The following CDC42BPA variants were observed in gnomAD, a reference collection of about 807,000 sequenced individuals.
The protein encoded by CDC42BPA is serine/threonine-protein kinase MRCK alpha.
A neutral mutation model predicts 223.5 loss-of-function variants in CDC42BPA; 80 were observed. That is an observed-to-expected ratio of 0.36 (90% confidence interval 0.30 to 0.43). The LOEUF is 0.43. Ranked by LOEUF, CDC42BPA falls within the 20% of genes least tolerant of loss-of-function variation. The probability of loss-of-function intolerance (pLI) is 1.00; values close to 1 mark genes in which losing one functional copy is unlikely to be tolerated. For synonymous variants in CDC42BPA, 694 were observed against 718.6 expected, an observed-to-expected ratio of 0.97 and a Z score of 0.55; for missense variants, 1,743 against 2,099.9, an observed-to-expected ratio of 0.83 and a Z score of 3.32.
intron 1 of CDC42BPA, among the ~76,000 whole-genome samples, chr1:227,296,461 T>G (rs541088126): frequency 6.6e-6 from 1 of 152,020 alleles, no homozygotes; most frequent in East Asian, 1.9e-4. Context: ...ATCCCAGCAC[T>G]TTGGGAGGCC....
At chr1:227,187,974 A>G (rs914124847) in intron 5 of CDC42BPA, among the ~76,000 whole-genome samples, 3 of 152,014 alleles carry the variant, frequency 2.0e-5, no homozygotes, top group Non-Finnish European at 4.4e-5. Flanking sequence ...AACTGAGGGG[A>G]TTTGTTGCCA....
At chr1:227,026,481 T>C (rs945336546) in intron 30 of CDC42BPA, among the ~76,000 whole-genome samples, 3 of 152,184 alleles carry the variant, frequency 2.0e-5, no homozygotes, top group South Asian at 4.1e-4. Flanking sequence ...AGTAGTTAAG[T>C]TATTGACAGT....
Position 226,994,010 on chromosome 1 carries a change from C to T in CDC42BPA, c.*258G>A, listed in dbSNP as rs568180396. 4.2e-5 allele frequency: 17 copies of T among 405,512 alleles called. No individual in the cohort carries two copies. The East Asian group carries it at 4.7e-4, about 11-fold the overall frequency. 25.1% of individuals were successfully genotyped at this position (405,512 alleles called of 1,614,324 possible). A position where few individuals can be genotyped will look rare whatever the true frequency, so the allele number is the denominator to read the frequency against. On this transcript the variant is annotated 3_prime_UTR_variant, in exon 37 of 37. Transcript: ENST00000366766. This position sits in a 1 kb window ranked among gnomAD's most constrained non-coding sequence, Gnocchi z 4.0. The stretch of plus-strand genomic sequence containing the variant: ...CTTTGGGAGTAGGGGTAAAATGTTA[C>T]TGAAAGCAACTCTAAGTGCATGGAA...
chr1:227,189,468 T>C (rs889891179), intron 5 of CDC42BPA, among the ~76,000 whole-genome samples: 5 of 152,204 alleles, frequency 3.3e-5, no homozygotes, highest in Non-Finnish European at 7.3e-5. Context: ...ATATTGTCTA[T>C]ACTGTCAAAA....
chr1:227,230,903 C>A (rs1318072110), intron 2 of CDC42BPA, among the ~76,000 whole-genome samples: 1 of 139,810 alleles, frequency 7.2e-6, no homozygotes, highest in African/African-American at 2.7e-5. Context: ...TCAGTGCAAT[C>A]TCCGACACCC....
At chr1:227,007,662 C>A (rs1033466759) in intron 34 of CDC42BPA, among the ~76,000 whole-genome samples, 1 of 152,206 alleles carries the variant, frequency 6.6e-6, no homozygotes, top group Non-Finnish European at 1.5e-5. Context: ...CTTTTCTCAT[C>A]ATTTCGGGCT....
intron 35 of CDC42BPA, among the ~76,000 whole-genome samples, chr1:226,995,779 A>C (rs1309414462): frequency 6.6e-6 from 1 of 152,206 alleles, no homozygotes; most frequent in Non-Finnish European, 1.5e-5. Context: ...AGCTCTTAGC[A>C]TTCCCTACTA....
At chr1:227,170,681 A>C (rs1178788944) in intron 5 of CDC42BPA, among the ~76,000 whole-genome samples, 2 of 152,150 alleles carry the variant, frequency 1.3e-5, no homozygotes, top group Non-Finnish European at 2.9e-5. Flanking sequence ...ATGACTGATA[A>C]GGAAATAAGA....
chr1:227,179,515 AGT>A (rs1667547551), intron 5 of CDC42BPA, among the ~76,000 whole-genome samples: 1 of 151,344 alleles, frequency 6.6e-6, no homozygotes. Context: ...GGGCACCTGT[AGT>A]CCCAGCTACT....
At chr1:227,090,606 T>C (rs187846913) in intron 16 of CDC42BPA, among the ~76,000 whole-genome samples, 1 of 151,130 alleles carries the variant, frequency 6.6e-6, no homozygotes, top group Non-Finnish European at 1.5e-5. Context: ...AGGTCAGGAG[T>C]TCAAGACCAG....
At position 227,114,017 on chromosome 1, in the gene CDC42BPA, C is replaced by CAAAAAAAA. The variant is rs374913161; in HGVS notation, c.1648-1112_1648-1105dup. 3.3e-5 allele frequency among the ~76,000 whole-genome samples: 4 copies of CAAAAAAAA among 120,294 alleles called. 1 individual carries two copies. Among genetic ancestry groups the CAAAAAAAA allele is most frequent in the Non-Finnish European group, 5.2e-5 (3 of 57,970 alleles). The allele number at this position is 120,294 out of a possible 152,430, so 78.9% of individuals were successfully genotyped here. ...TGGGCAATACAGTGAGACTCCAACT[C>CAAAAAAAA]AAAAAAAAAGAAAAGAAAAGAAGTG... On this transcript the variant is annotated intron_variant, in intron 12 of 36. Coordinates refer to ENST00000366766, the MANE Select transcript of CDC42BPA (RefSeq NM_001394014.1).
At chr1:227,212,538 G>T (rs916380312) in intron 3 of CDC42BPA, among the ~76,000 whole-genome samples, 1 of 151,966 alleles carries the variant, frequency 6.6e-6, no homozygotes, top group South Asian at 2.1e-4. Flanking sequence ...CCCCCCAGAA[G>T]TCCACTCCAA....
At chr1:227,106,853 T>A (rs569030687) in intron 14 of CDC42BPA, among the ~76,000 whole-genome samples, 3 of 152,334 alleles carry the variant, frequency 2.0e-5, no homozygotes, top group African/African-American at 7.2e-5. Flanking sequence ...AGTACATTTG[T>A]CAAAAATTAA....
At chr1:227,296,296 A>T (rs1690618118) in intron 1 of CDC42BPA, among the ~76,000 whole-genome samples, 1 of 152,244 alleles carries the variant, frequency 6.6e-6, no homozygotes, top group African/African-American at 2.4e-5. Flanking sequence ...CAAATCTGGA[A>T]CAATTGGAAT....
chr1:227,091,284 T>C (rs1487258919), intron 16 of CDC42BPA, among the ~76,000 whole-genome samples: 2 of 152,148 alleles, frequency 1.3e-5, no homozygotes, highest in East Asian at 1.9e-4. Flanking sequence ...CAGGTTGAAA[T>C]GTGATTCCCA....
In CDC42BPA at chr1:227,204,339, T is replaced by C. The variant is rs975370732; in HGVS notation, c.355-4687A>G. On this transcript the variant is annotated intron_variant, in intron 3 of 36. Coordinates refer to ENST00000366766, the MANE Select transcript of CDC42BPA (RefSeq NM_001394014.1). Reference sequence around the variant, plus strand: ...ATGTAATTTTAAATATAGAAATAATTTGGTAACATCCGCAACTGCCAAGTG... The same window carrying C: ...ATGTAATTTTAAATATAGAAATAATCTGGTAACATCCGCAACTGCCAAGTG... Among the ~76,000 whole-genome samples, 3 of 152,158 alleles carry C rather than the reference T, an allele frequency of 2.0e-5. No homozygotes were observed. In the South Asian group the frequency reaches 6.2e-4, roughly 31 times the overall value.
Position 227,029,004 on chromosome 1 carries a change from C to T in CDC42BPA, c.4085G>A (p.Cys1362Tyr). 1 of 1,614,074 alleles carries T rather than the reference C, an allele frequency of 6.2e-7. No homozygotes were observed. Among genetic ancestry groups the T allele is most frequent in the Non-Finnish European group, 8.5e-7 (1 of 1,180,020 alleles). The change falls in exon 30 of 37, where the codon TGT (cysteine) becomes TAT (tyrosine). Residue 1362 changes from cysteine (C) to tyrosine (Y), a missense_variant. Physicochemically the swap from Cys to Tyr is radical, Grantham distance 194. Transcript: ENST00000366766. Reference protein sequence around the residue: ...LCVAMKRQVLCYELFQSKTRH... With the variant: ...LCVAMKRQVLYYELFQSKTRH... ...GGTCTTGCTCTGAAATAGTTCATAACAGAGGACCTGCCTTTTCATAGCCAC... is the reference window on the plus strand; with the variant it reads ...GGTCTTGCTCTGAAATAGTTCATAATAGAGGACCTGCCTTTTCATAGCCAC...
intron 14 of CDC42BPA, among the ~76,000 whole-genome samples, chr1:227,104,858 T>C (rs1685637531): frequency 6.6e-6 from 1 of 152,064 alleles, no homozygotes; most frequent in Non-Finnish European, 1.5e-5. Context: ...ACCAATATCT[T>C]GATTTTGAAC....
At chr1:227,133,413 C>A (rs1190438802) in intron 10 of CDC42BPA, among the ~76,000 whole-genome samples, 2 of 152,094 alleles carry the variant, frequency 1.3e-5, no homozygotes, top group Non-Finnish European at 2.9e-5. Flanking sequence ...GCCGCCCCTA[C>A]TGGGAAGTGA....
Sources: gnomAD v4.1 joint callset for allele counts (sites outside exome capture counted in the v4.1 genomes callset) on GRCh38, gnomAD v4.1.1 for gene constraint, Gnocchi (gnomAD v3.1) non-coding constraint, MANE v1.5 for transcripts, NCBI Gene and HGNC (gene_info 2026-07-23, HGNC 2026-07-21) for gene names.